Variants in ZFP90 observed in about 807,000 individuals in gnomAD.
The protein encoded by ZFP90 is zinc finger protein 90 homolog.
In ZFP90, 38 loss-of-function variants were observed where a neutral mutation model predicts 60.8. The observed-to-expected ratio is 0.62, with a 90% confidence interval of 0.48 to 0.82. ZFP90 has a LOEUF of 0.82. Among genes scored for constraint, ZFP90 ranks in the 40% least tolerant of loss-of-function variants. The pLI, the probability that ZFP90 is intolerant of heterozygous loss-of-function variation, is 0.00. For missense variants in ZFP90, 711 were observed against 759.1 expected (o/e 0.94, Z 0.74); for synonymous variants, 287 against 264.8 (o/e 1.08, Z -0.82).
chr16:68,572,106 A>C (rs970331273), downstream of ZFP90, among the ~76,000 whole-genome samples: 16 of 151,984 alleles, frequency 1.1e-4, no homozygotes, highest in Admixed American at 1.0e-3. Flanking sequence ...CCTGGGCTCA[A>C]GTGATCCTCT....
At chr16:68,539,052 C>A (rs1268338309), upstream of ZFP90, among the ~76,000 whole-genome samples, 1 of 152,218 alleles carries the variant, frequency 6.6e-6, no homozygotes, top group Non-Finnish European at 1.5e-5. Flanking sequence ...GGGTCTTTCC[C>A]GGCCGATTCC....
In ZFP90 at chr16:68,539,926, C is replaced by T. The variant is rs1014420760; in HGVS notation, c.33+101C>T. 29 of 1,476,716 alleles carry T rather than the reference C, an allele frequency of 2.0e-5. No homozygotes were observed. In the Admixed American group the frequency reaches 5.7e-4, roughly 29 times the overall value. The allele number at this position is 1,476,716 out of a possible 1,614,324, so 91.5% of individuals were successfully genotyped here. A position where few individuals can be genotyped will look rare whatever the true frequency, so the allele number is the denominator to read the frequency against. On this transcript the variant is annotated intron_variant, in intron 2 of 4. Coordinates refer to ENST00000563169, the MANE Select transcript of ZFP90 (RefSeq NM_001305203.2). ...TCATTGTTCTCTGCCTGGCGACTCC[C>T]TTACTTGCTTGGCTCGATCGGAGCC... is the stretch of plus-strand genomic sequence containing the variant.
intron 2 of ZFP90, among the ~76,000 whole-genome samples, chr16:68,551,414 C>A (rs1069289): frequency 0.81 from 115,069 of 142,554 alleles, 46,749 homozygotes; most frequent in African/African-American, 0.89. Context: ...AACATGTGAT[C>A]CTTTTTTTTT....
rs1457210044 is a variant in ZFP90, at chr16:68,566,442, T to C, written c.*1744T>C. The C allele has an allele frequency of 7.1e-6, 7 of 985,564 alleles. No homozygotes were observed. Among genetic ancestry groups the C allele is most frequent in the Non-Finnish European group, 8.4e-6 (7 of 829,932 alleles). The allele number at this position is 985,564 out of a possible 1,614,324, so 61.1% of individuals were successfully genotyped here. ...TTCTTTGCATGCCACATAGCAGGAT[T>C]CATTGCCTTTCTCTCATCATGGATG... On this transcript the variant is annotated 3_prime_UTR_variant, in exon 5 of 5. Transcript: ENST00000563169.
At chr16:68,558,217 A>G (rs2091378199) in intron 3 of ZFP90, 93 bp downstream of exon 3, 1 of 1,559,274 alleles carries the variant, frequency 6.4e-7, no homozygotes, top group African/African-American at 1.4e-5. Context: ...GGTAACTGTG[A>G]CCAGGGTGCT....
In ZFP90 at chr16:68,563,058, C is replaced by T. The variant is rs775847179; in HGVS notation, c.271C>T (p.Pro91Ser). 4.3e-6 allele frequency: 7 copies of T among 1,613,920 alleles called. No individual in the cohort carries two copies. Among genetic ancestry groups the T allele is most frequent in the Admixed American group, 1.7e-5 (1 of 59,988 alleles). The part of the protein sequence containing the change: ...RPFYPDWKTR[P>S]EVKSSHLQQD... The stretch of plus-strand genomic sequence containing the variant: ...ATTTCTTTCAGACTGGAAGACCAGG[C>T]CTGAAGTCAAATCATCACATTTGCA... Residue 91 changes from proline (P) to serine (S), a missense_variant, in exon 5 of 5, where the codon CCT (proline) becomes TCT (serine). Transcript: ENST00000563169.
Position 68,539,812 on chromosome 16 carries a change from C to T in ZFP90, c.20C>T (p.Thr7Ile). Residue 7 changes from threonine (T) to isoleucine (I), a missense_variant, in exon 2 of 5, where the codon ACC becomes ATC. Physicochemically the swap from Thr to Ile is moderately conservative, Grantham distance 89 (BLOSUM62 -1). Coordinates refer to ENST00000563169, the MANE Select transcript of ZFP90 (RefSeq NM_001305203.2). Reference protein sequence around the residue: MAPRPPTAAPQESVTFK... With the variant: MAPRPPIAAPQESVTFK... ...GCAGGAATGGCCCCGAGGCCTCCGA[C>T]CGCCGCGCCCCAGGTGAGCAACGCG... The T allele has an allele frequency of 6.2e-7, 1 of 1,605,232 alleles. No homozygotes were observed. Among genetic ancestry groups the T allele is most frequent in the East Asian group, 2.2e-5 (1 of 44,674 alleles).
intron 2 of ZFP90, among the ~76,000 whole-genome samples, chr16:68,556,580 C>T (rs772765894): frequency 1.3e-5 from 2 of 152,236 alleles, no homozygotes; most frequent in Non-Finnish European, 2.9e-5. Context: ...GGGCGTTGTT[C>T]TGGGCACCAG....
upstream of ZFP90, among the ~76,000 whole-genome samples, chr16:68,537,797 G>A (rs1309568728): frequency 2.0e-5 from 3 of 152,076 alleles, no homozygotes; most frequent in Non-Finnish European, 2.9e-5. Flanking sequence ...TAATTCCTGG[G>A]CTCCTCCCTC....
In ZFP90 at chr16:68,564,182, T is replaced by C. The variant is rs760513057; in HGVS notation, c.1395T>C (p.Phe465=). 5 of 1,614,046 alleles carry C rather than the reference T, an allele frequency of 3.1e-6. No homozygotes were observed. The highest frequency in any genetic ancestry group is 2.7e-5 in the African/African-American group (2 of 74,932). Residue 465 remains phenylalanine (F), a synonymous_variant, in exon 5 of 5, where the codon TTT becomes TTC. Transcript: ENST00000563169. ...CGEDFSHITD[F]TDHQRIHTAE... ...AAGACTTTAGTCACATTACAGACTT[T>C]ACTGACCATCAGAGGATCCATACTG...
At chr16:68,559,832 C>G (rs965084057) in intron 4 of ZFP90, among the ~76,000 whole-genome samples, 1 of 152,120 alleles carries the variant, frequency 6.6e-6, no homozygotes, top group Non-Finnish European at 1.5e-5. Context: ...CTTGGCCTCC[C>G]AAAGTTCTGG....
chr16:68,573,130 T>C (rs1394530137), intron 2 of ZFP90, among the ~76,000 whole-genome samples: 1 of 152,206 alleles, frequency 6.6e-6, no homozygotes, highest in Non-Finnish European at 1.5e-5. Flanking sequence ...AACCCAGATG[T>C]ATGTTCACCC....
intron 2 of ZFP90, among the ~76,000 whole-genome samples, chr16:68,573,562 T>G (rs745347699): frequency 6.6e-6 from 1 of 152,226 alleles, no homozygotes; most frequent in Non-Finnish European, 1.5e-5. Flanking sequence ...TTGCTCAGGT[T>G]AAGGGATCCT....
At chr16:68,539,521 G>A (rs993230190) in intron 1 of ZFP90, 42 bp downstream of exon 1, 2 of 477,096 alleles carry the variant, frequency 4.2e-6, no homozygotes, top group African/African-American at 4.1e-5. Flanking sequence ...TTTGGCGGGT[G>A]TCAGCCGGGC....
At chr16:68,534,943 CAT>C (rs2090950139), upstream of ZFP90, among the ~76,000 whole-genome samples, 1 of 152,206 alleles carries the variant, frequency 6.6e-6, no homozygotes, top group Non-Finnish European at 1.5e-5. Context: ...ATTTTTGAAA[CAT>C]ATTAGACATC....
At chr16:68,538,570 G>A (rs1203081840), upstream of ZFP90, among the ~76,000 whole-genome samples, 3 of 152,102 alleles carry the variant, frequency 2.0e-5, no homozygotes, top group Non-Finnish European at 4.4e-5. Context: ...GCCTGGTGAC[G>A]CATCGCATGC....
chr16:68,566,628 A>G lies in ZFP90; in HGVS notation c.*1930A>G, dbSNP rs1374299074. On this transcript the variant is annotated 3_prime_UTR_variant, in exon 5 of 5. Transcript: ENST00000563169. ...TTCTGAGATGCTGACCATCCAAAAC[A>G]CCTTGTTTATGGTGCACCATGATTA... 1 of 985,470 alleles carries G rather than the reference A, an allele frequency of 1.0e-6. No homozygotes were observed. Among genetic ancestry groups the G allele is most frequent in the Non-Finnish European group, 1.2e-6 (1 of 829,904 alleles). 61.0% of individuals were successfully genotyped at this position (985,470 alleles called of 1,614,324 possible). A position where few individuals can be genotyped will look rare whatever the true frequency, so the allele number is the denominator to read the frequency against.
intron 2 of ZFP90, among the ~76,000 whole-genome samples, chr16:68,553,796 T>A (rs2091298856): frequency 6.6e-6 from 1 of 152,116 alleles, no homozygotes; most frequent in South Asian, 2.1e-4. Flanking sequence ...TTTTAAAAAA[T>A]TTGTTTGTGT....
At chr16:68,555,815 G>A (rs1417206017) in intron 2 of ZFP90, among the ~76,000 whole-genome samples, 1 of 152,140 alleles carries the variant, frequency 6.6e-6, no homozygotes, top group Admixed American at 6.5e-5. Context: ...GAAATGGGAG[G>A]ACAGAATGAT....
Sources: allele counts gnomAD v4.1 joint callset (sites outside exome capture counted in the v4.1 genomes callset), GRCh38; gene constraint gnomAD v4.1.1; transcripts MANE v1.5; gene names NCBI Gene and HGNC (gene_info 2026-07-23, HGNC 2026-07-21).